The following ZNF536 variants were observed in gnomAD, a reference collection of about 807,000 sequenced individuals.
The protein encoded by ZNF536 is zinc finger protein 536.
In ZNF536, 13 loss-of-function variants were observed where a neutral mutation model predicts 84.5. That is an observed-to-expected ratio of 0.15 (90% CI 0.10 to 0.24). The LOEUF is 0.24. Ranked by LOEUF, ZNF536 falls within the 10% of genes least tolerant of loss-of-function variation. The pLI, the probability that ZNF536 is intolerant of heterozygous loss-of-function variation, is 1.00. For missense variants in ZNF536, 1,536 were observed against 1,747.5 expected (o/e 0.88, Z 2.16); for synonymous variants, 811 against 742.5 (o/e 1.09, Z -1.50).
intron 1 of ZNF536, among the ~76,000 whole-genome samples, chr19:30,679,683 C>T (rs576960813): frequency 1.5e-4 from 23 of 152,296 alleles, no homozygotes; most frequent in African/African-American, 4.3e-4. Flanking sequence ...AGGTGCGTGT[C>T]GGCTCCCGGC....
At chr19:30,540,286 G>A (rs1331334490) in intron 3 of ZNF536, among the ~76,000 whole-genome samples, 1 of 152,182 alleles carries the variant, frequency 6.6e-6, no homozygotes, top group Admixed American at 6.5e-5. Context: ...AAGGAGGATT[G>A]TGGAAGGGAG....
intron 1 of ZNF536, among the ~76,000 whole-genome samples, chr19:30,381,411 G>T (rs1435312843): frequency 6.6e-6 from 1 of 152,174 alleles, no homozygotes; most frequent in Non-Finnish European, 1.5e-5. Flanking sequence ...GTGGAATGTG[G>T]CAGGGACAGG....
At chr19:30,576,423 C>A (rs2046738790) in intron 1 of ZNF536, among the ~76,000 whole-genome samples, 1 of 152,218 alleles carries the variant, frequency 6.6e-6, no homozygotes. Flanking sequence ...CAGAGCCCCA[C>A]CCCTGTCCTT....
chr19:30,230,025 C>T (rs1192338021), intron 1 of ZNF536, among the ~76,000 whole-genome samples: 2 of 152,292 alleles, frequency 1.3e-5, no homozygotes, highest in Middle Eastern at 3.4e-3. Flanking sequence ...TGTGACCAGG[C>T]AGAGATATTT....
At chr19:30,532,085 A>G (rs1300962477) in intron 2 of ZNF536, among the ~76,000 whole-genome samples, 1 of 151,882 alleles carries the variant, frequency 6.6e-6, no homozygotes, top group African/African-American at 2.4e-5. Context: ...GGGAAGGTCC[A>G]GAGCATGCCA....
intron 2 of ZNF536, among the ~76,000 whole-genome samples, chr19:30,488,729 G>A (rs2054391811): frequency 6.6e-6 from 1 of 152,146 alleles, no homozygotes; most frequent in Non-Finnish European, 1.5e-5. Flanking sequence ...GCCGAAGAGA[G>A]TTCTGGGTTG....
At chr19:30,641,876 T>C (rs1455825404) in intron 1 of ZNF536, among the ~76,000 whole-genome samples, 7 of 152,188 alleles carry the variant, frequency 4.6e-5, no homozygotes, top group Non-Finnish European at 8.8e-5. Context: ...GGGCAAGTCC[T>C]TGAAGGTGTT....
At chr19:30,588,363 G>A (rs1211915175) in intron 1 of ZNF536, among the ~76,000 whole-genome samples, 3 of 152,124 alleles carry the variant, frequency 2.0e-5, no homozygotes, top group Non-Finnish European at 4.4e-5. Context: ...TGATCACCAT[G>A]GTCAGTGAGG....
intron 2 of ZNF536, among the ~76,000 whole-genome samples, chr19:30,308,686 A>G (rs1200943575): frequency 6.6e-6 from 1 of 152,136 alleles, no homozygotes; most frequent in Non-Finnish European, 1.5e-5. Flanking sequence ...TAAGGCTCCA[A>G]GTTCTAAGGG....
At chr19:30,242,296 G>A (rs191766294) in intron 1 of ZNF536, among the ~76,000 whole-genome samples, 2 of 152,294 alleles carry the variant, frequency 1.3e-5, no homozygotes, top group Non-Finnish European at 2.9e-5. Context: ...CTGTCTCACA[G>A]GGTAGTTCCT....
At chr19:30,337,286 G>A (rs549926864) in intron 2 of ZNF536, among the ~76,000 whole-genome samples, 123 of 152,244 alleles carry the variant, frequency 8.1e-4, no homozygotes, top group African/African-American at 2.8e-3. Flanking sequence ...GATGGCTGGC[G>A]TCCGCAATCT....
intron 2 of ZNF536, among the ~76,000 whole-genome samples, chr19:30,321,440 C>T (rs1311846524): frequency 6.6e-6 from 1 of 152,134 alleles, no homozygotes; most frequent in Non-Finnish European, 1.5e-5. Context: ...TGCCTGTAGT[C>T]CCAGCTACTC....
intron 2 of ZNF536, chr19:30,300,788 T>A (rs1236773821): frequency 1.3e-5 from 2 of 152,226 alleles, no homozygotes; most frequent in Non-Finnish European, 2.9e-5. Context: ...CCCGGCAGGA[T>A]GATCGCAACG....
intron 1 of ZNF536, among the ~76,000 whole-genome samples, chr19:30,580,516 G>A (rs935309842): frequency 5.9e-5 from 9 of 152,126 alleles, no homozygotes; most frequent in African/African-American, 1.9e-4. Flanking sequence ...CTGTGGAGTG[G>A]GGTACCTGTG....
At chr19:30,423,160 T>TCCAA (rs2051056037) in intron 1 of ZNF536, among the ~76,000 whole-genome samples, 1 of 128,444 alleles carries the variant, frequency 7.8e-6, no homozygotes, top group African/African-American at 2.8e-5. Context: ...CAACCATCCA[T>TCCAA]CCATCCATCT....
At chr19:30,422,985 A>ACATCCATCCATC (rs548956056) in intron 1 of ZNF536, among the ~76,000 whole-genome samples, 1 of 52,170 alleles carries the variant, frequency 1.9e-5, no homozygotes, top group Non-Finnish European at 3.6e-5. Context: ...ATCCAACCAA[A>ACATCCATCCATC]CATCCATCCA....
intron 1 of ZNF536, among the ~76,000 whole-genome samples, chr19:30,407,906 A>C (rs546520725): frequency 1.4e-4 from 21 of 152,126 alleles, no homozygotes; most frequent in Non-Finnish European, 2.9e-4. Flanking sequence ...AGATCTGGGG[A>C]CTGGGCTCCT....
intron 1 of ZNF536, among the ~76,000 whole-genome samples, chr19:30,696,344 G>A (rs1412296005): frequency 1.3e-5 from 2 of 152,044 alleles, no homozygotes; most frequent in South Asian, 2.1e-4. Context: ...GGTTTCTCCC[G>A]GCATTTCTTT....
chr19:30,298,561 C>T (rs1008409762), intron 2 of ZNF536, among the ~76,000 whole-genome samples: 23 of 152,200 alleles, frequency 1.5e-4, no homozygotes, highest in Admixed American at 7.9e-4. Context: ...TGTGCTGACT[C>T]CTTCATCCTG....
Sources: allele counts gnomAD v4.1 joint callset (sites outside exome capture counted in the v4.1 genomes callset), GRCh38; gene constraint gnomAD v4.1.1; transcripts MANE v1.5; gene names NCBI Gene and HGNC (gene_info 2026-07-23, HGNC 2026-07-21).